The following IRAG1 variants were observed in gnomAD, a reference collection of about 807,000 sequenced individuals.
The protein encoded by IRAG1 is inositol 1,4,5-triphosphate receptor associated 1, also known as IP3R-associated cGMP kinase substrate.
IRAG1 carries 62 observed loss-of-function variants against 106.2 expected under a neutral mutation model. That is an observed-to-expected ratio of 0.58 (90% CI 0.48 to 0.72). IRAG1 has a LOEUF of 0.72. IRAG1 is among the 30% of genes least tolerant of loss of function. The pLI is 0.00. For synonymous variants in IRAG1, 462 were observed against 443.9 expected (o/e 1.04, Z -0.51); for missense variants, 1,064 against 1,140.7 (o/e 0.93, Z 0.97).
In IRAG1 at chr11:10,624,129, G is replaced by A. The variant is rs114211376; in HGVS notation, c.1369-273C>T. Among the ~76,000 whole-genome samples, 427 of 152,286 alleles carry A rather than the reference G, an allele frequency of 2.8e-3. 2 individuals are homozygous for A. The highest frequency in any genetic ancestry group is 9.9e-3 in the African/African-American group (413 of 41,546). On this transcript the variant is annotated intron_variant, in intron 9 of 20. Coordinates refer to ENST00000423302, the MANE Select transcript of IRAG1 (RefSeq NM_130385.4). Reference sequence around the variant, plus strand: ...CATGGTCTTTTTAAACAAGTCTGTGGGCTTCAGGGTAAATGAACTGCTTGG... The same window carrying A: ...CATGGTCTTTTTAAACAAGTCTGTGAGCTTCAGGGTAAATGAACTGCTTGG...
chr11:10,649,342 C>G (rs1189490848), intron 2 of IRAG1, among the ~76,000 whole-genome samples: 3 of 152,204 alleles, frequency 2.0e-5, no homozygotes, highest in African/African-American at 7.2e-5. Flanking sequence ...GGGGTCTGAA[C>G]TGCCCCAGCT....
At chr11:10,660,601 G>A (rs1859318240) in intron 1 of IRAG1, among the ~76,000 whole-genome samples, 1 of 152,112 alleles carries the variant, frequency 6.6e-6, no homozygotes, top group Non-Finnish European at 1.5e-5. Context: ...CTCCTACCAG[G>A]GTGCAGAAGG....
chr11:10,576,472 C>T lies in IRAG1; in HGVS notation c.2599G>A (p.Val867Ile), dbSNP rs1206254259. The change falls in exon 21 of 21, where the codon GTT (valine) becomes ATT (isoleucine). Residue 867 changes from valine (V) to isoleucine (I), a missense_variant. Physicochemically the swap from Val to Ile is conservative, Grantham distance 29. Coordinates refer to ENST00000423302, the MANE Select transcript of IRAG1 (RefSeq NM_130385.4). ...TAGGAATTGTAGAGCCCCAGCACAA[C>T]AGTCAAGACCAGCATCACTGCAGCC... ...MMAAVMLVLT[V>I]VLGLYNSYNS... is the part of the protein sequence containing the mutation. 3 of 1,613,894 alleles carry T rather than the reference C, an allele frequency of 1.9e-6. 1 individual carries two copies. The South Asian group carries it at 3.3e-5, about 18-fold the overall frequency.
At chr11:10,642,137 C>T (rs1244749992) in intron 2 of IRAG1, among the ~76,000 whole-genome samples, 5 of 152,224 alleles carry the variant, frequency 3.3e-5, no homozygotes, top group Non-Finnish European at 5.9e-5. Flanking sequence ...CTTCTCACTC[C>T]TCCATGGGCC....
rs11042922 is a variant in IRAG1 at position 10,691,766 on chromosome 11, G to A, written c.67+1770C>T. Among the ~76,000 whole-genome samples, 109 of 152,234 alleles carry A rather than the reference G, an allele frequency of 7.2e-4. 4 individuals are homozygous for A. The East Asian group carries it at 0.017, about 23-fold the overall frequency. Reference sequence around the variant, plus strand: ...CCTCAGATGCACCATGTTGCAAGGGGGCCGGTGATTCCCCCGCTGCACTCT... The same window carrying A: ...CCTCAGATGCACCATGTTGCAAGGGAGCCGGTGATTCCCCCGCTGCACTCT... On this transcript the variant is annotated intron_variant, in intron 1 of 20. Coordinates refer to ENST00000423302, the MANE Select transcript of IRAG1 (RefSeq NM_130385.4).
intron 1 of IRAG1, among the ~76,000 whole-genome samples, chr11:10,675,909 G>A (rs1286276453): frequency 6.6e-6 from 1 of 152,184 alleles, no homozygotes; most frequent in Non-Finnish European, 1.5e-5. Context: ...GATCGACCAC[G>A]ACTCTCAGCT....
chr11:10,682,200 G>A (rs575509108), intron 1 of IRAG1, among the ~76,000 whole-genome samples: 1 of 152,204 alleles, frequency 6.6e-6, no homozygotes, highest in South Asian at 2.1e-4. Context: ...CTCAATAAAT[G>A]ACAGTAATTT....
chr11:10,597,961 G>A (rs767476375), intron 15 of IRAG1, among the ~76,000 whole-genome samples: 2 of 152,198 alleles, frequency 1.3e-5, no homozygotes, highest in Admixed American at 6.5e-5. Flanking sequence ...CATCACTGCT[G>A]TCACTTTGTG....
intron 1 of IRAG1, among the ~76,000 whole-genome samples, chr11:10,692,479 G>C (rs757885076): frequency 1.3e-5 from 2 of 152,078 alleles, no homozygotes; most frequent in Admixed American, 6.5e-5. Context: ...GGAGTGCAGG[G>C]GGATGGGCAA....
intron 1 of IRAG1, among the ~76,000 whole-genome samples, chr11:10,662,603 G>A (rs1404648094): frequency 6.6e-6 from 1 of 152,182 alleles, no homozygotes; most frequent in African/African-American, 2.4e-5. Flanking sequence ...CTCTGGCTCC[G>A]CTTGGAATGC....
chr11:10,619,567 T>C (rs1363329079), intron 10 of IRAG1, among the ~76,000 whole-genome samples: 3 of 152,220 alleles, frequency 2.0e-5, no homozygotes, highest in Non-Finnish European at 4.4e-5. Flanking sequence ...TCTCTAGCAC[T>C]GTGGAGCACA....
intron 10 of IRAG1, among the ~76,000 whole-genome samples, chr11:10,615,370 G>A (rs1241884226): frequency 2.6e-5 from 4 of 152,224 alleles, no homozygotes; most frequent in African/African-American, 9.6e-5. Flanking sequence ...GGAAGACAGT[G>A]TGGCGATTCC....
chr11:10,674,847 C>T (rs1007374215), intron 1 of IRAG1, among the ~76,000 whole-genome samples: 6 of 152,340 alleles, frequency 3.9e-5, no homozygotes, highest in African/African-American at 1.4e-4. Flanking sequence ...CCGGGTCCCT[C>T]TTCTCCTAAC....
intron 1 of IRAG1, among the ~76,000 whole-genome samples, chr11:10,678,003 C>CTCTGTCTATCTATCTATCTA (rs1478772925): frequency 5.7e-5 from 8 of 139,236 alleles, no homozygotes; most frequent in African/African-American, 2.2e-4. Flanking sequence ...TTATCTATCT[C>CTCTGTCTATCTATCTATCTA]TCTATCTGTC....
rs547985099 is a variant in IRAG1 at position 10,665,637 on chromosome 11, G to A, written c.68-13455C>T. On this transcript the variant is annotated intron_variant, in intron 1 of 20. Coordinates refer to ENST00000423302, the MANE Select transcript of IRAG1 (RefSeq NM_130385.4). The surrounding 1 kb of genome is among the most constrained non-coding windows in gnomAD (Gnocchi z 4.2). ...GGGACAATGATTGGCTGTGTGAACA[G>A]GCTCGCAGCCCTGTGCTTGGAACCC... is the stretch of plus-strand genomic sequence containing the variant. Among the ~76,000 whole-genome samples, 1 of 152,284 alleles carries A rather than the reference G, an allele frequency of 6.6e-6. No individual in the cohort carries two copies. The highest frequency in any genetic ancestry group is 1.5e-5 in the Non-Finnish European group (1 of 68,028).
intron 4 of IRAG1, chr11:10,630,066 A>T (rs1856569221): frequency 4.7e-6 from 1 of 211,340 alleles, no homozygotes; most frequent in South Asian, 1.1e-4. Context: ...TTCACAAGCT[A>T]ATGCGCTTAA....
At chr11:10,605,188 A>G (rs1396202732) in intron 12 of IRAG1, among the ~76,000 whole-genome samples, 2 of 152,242 alleles carry the variant, frequency 1.3e-5, no homozygotes, top group East Asian at 3.8e-4. Flanking sequence ...TTGGTCATAC[A>G]TGGAATTCCC....
intron 15 of IRAG1, among the ~76,000 whole-genome samples, chr11:10,595,152 T>C (rs1327718262): frequency 6.8e-6 from 1 of 146,550 alleles, no homozygotes; most frequent in African/African-American, 2.4e-5. Flanking sequence ...CTCCAACTCC[T>C]GAGCTTAAAG....
intron 9 of IRAG1, 104 bp downstream of exon 9, chr11:10,625,862 A>G: frequency 8.5e-7 from 1 of 1,183,380 alleles, no homozygotes; most frequent in Non-Finnish European, 1.1e-6. Context: ...GCCCAAGTCC[A>G]GGCCAGAGCT....
Sources: allele counts gnomAD v4.1 joint callset (sites outside exome capture counted in the v4.1 genomes callset), GRCh38; gene constraint gnomAD v4.1.1; non-coding constraint Gnocchi (gnomAD v3.1); transcripts MANE v1.5; gene names NCBI Gene and HGNC (gene_info 2026-07-23, HGNC 2026-07-21).